TUBD1: variants seen among roughly 807,000 people sequenced by gnomAD.
TUBD1 encodes the protein tubulin delta 1, also known as tubulin delta chain.
In TUBD1, 38 loss-of-function variants were observed where a neutral mutation model predicts 51.2. The observed-to-expected ratio is 0.74, with a 90% confidence interval of 0.57 to 0.97. The LOEUF (loss-of-function observed/expected upper bound fraction) is 0.97. Among genes scored for constraint, TUBD1 ranks in the 50% least tolerant of loss-of-function variants. The pLI is 0.00. For missense variants in TUBD1, 489 were observed against 538.4 expected, an observed-to-expected ratio of 0.91 and a Z score of 0.91; for synonymous variants, 169 against 178.2, an observed-to-expected ratio of 0.95 and a Z score of 0.41.
intron 4 of TUBD1, chr17:59,878,664 G>C: frequency 4.3e-6 from 1 of 230,796 alleles, no homozygotes; most frequent in South Asian, 6.0e-5. Flanking sequence ...GTTTTTAGTA[G>C]AGACAGGGTT....
Position 59,863,752 on chromosome 17 carries a change from TCTC to T in TUBD1, c.1168_1170del (p.Glu390del). 6.2e-7 allele frequency: 1 copy of T among 1,611,094 alleles called. No individual in the cohort carries two copies. Among genetic ancestry groups the T allele is most frequent in the South Asian group, 1.1e-5 (1 of 90,162 alleles). On this transcript the variant is annotated inframe_deletion, in exon 8 of 9. Coordinates refer to ENST00000325752, the MANE Select transcript of TUBD1 (RefSeq NM_016261.4). ...CTGTTGCTGACCAACACTGCAGACT[TCTC>T]ATATTTGCTAAAGGCCCGCTGGGTT...
intron 8 of TUBD1, among the ~76,000 whole-genome samples, chr17:59,863,302 C>T (rs113690121): frequency 9.9e-5 from 15 of 152,128 alleles, no homozygotes; most frequent in Non-Finnish European, 7.4e-5. Flanking sequence ...TTTAACGCTA[C>T]AGTATCTGCT....
intron 6 of TUBD1, among the ~76,000 whole-genome samples, chr17:59,868,182 G>A (rs1351006588): frequency 6.9e-6 from 1 of 144,770 alleles, no homozygotes; most frequent in Admixed American, 7.0e-5. Flanking sequence ...TACTTGGGAA[G>A]CTGAGGCAGG....
intron 6 of TUBD1, among the ~76,000 whole-genome samples, chr17:59,868,532 CAA>C (rs893604770): frequency 2.8e-4 from 42 of 151,134 alleles, no homozygotes; most frequent in Non-Finnish European, 8.8e-5. Flanking sequence ...CCCATCTCTA[CAA>C]AAATAAAAGA....
chr17:59,875,297 G>C (rs533271584), intron 5 of TUBD1, among the ~76,000 whole-genome samples: 6 of 151,142 alleles, frequency 4.0e-5, no homozygotes, highest in African/African-American at 1.2e-4. Context: ...GGATGGTCTC[G>C]ATCCCCTGAT....
At chr17:59,878,009 G>GT (rs2040303591) in intron 5 of TUBD1, 94 bp downstream of exon 5, 1 of 935,496 alleles carries the variant, frequency 1.1e-6, no homozygotes, top group Admixed American at 2.4e-5. Context: ...AGACTTAAGT[G>GT]TATCTTCAGG....
chr17:59,886,444 C>A, intron 2 of TUBD1: 1 of 514,598 alleles, frequency 1.9e-6, no homozygotes, highest in Non-Finnish European at 3.4e-6. Flanking sequence ...GCTAAGCAGG[C>A]TGAATCAGTG....
intron 1 of TUBD1, among the ~76,000 whole-genome samples, chr17:59,892,270 A>C (rs1183930913): frequency 6.6e-6 from 1 of 151,886 alleles, no homozygotes; most frequent in East Asian, 2.0e-4. Context: ...AACCGGGCGC[A>C]ATGGCTCATG....
intron 7 of TUBD1, among the ~76,000 whole-genome samples, chr17:59,864,500 A>AGTTTT (rs779131234): frequency 5.3e-5 from 8 of 151,582 alleles, no homozygotes; most frequent in South Asian, 4.2e-4. Context: ...ATATACTGCC[A>AGTTTT]GTTTTGTTTT....
At chr17:59,891,121 C>T in intron 1 of TUBD1, 80 bp from the exon 2 acceptor site, 6 of 773,718 alleles carry the variant, frequency 7.8e-6, no homozygotes, top group South Asian at 1.9e-5. Context: ...GTTAATTATA[C>T]ATCAATAAAA....
intron 2 of TUBD1, among the ~76,000 whole-genome samples, chr17:59,888,594 T>C (rs2144578883): frequency 6.6e-6 from 1 of 152,232 alleles, no homozygotes; most frequent in East Asian, 1.9e-4. Flanking sequence ...ACAGGTGTAA[T>C]AAATGTAGCA....
At chr17:59,866,110 CAAAAAAAAAAAAAAAAAA>C (rs1191579900) in intron 7 of TUBD1, among the ~76,000 whole-genome samples, 1 of 76,222 alleles carries the variant, frequency 1.3e-5, no homozygotes, top group African/African-American at 3.9e-5. Flanking sequence ...GACCCCGTCT[CAAAAAAAAAAAAAAAAAA>C]AAAAAAGGAA....
chr17:59,889,467 G>C (rs1201536867), intron 2 of TUBD1, among the ~76,000 whole-genome samples: 1 of 150,816 alleles, frequency 6.6e-6, no homozygotes, highest in African/African-American at 2.4e-5. Flanking sequence ...AGGAGTTCGA[G>C]ACCAGCCTGA....
intron 6 of TUBD1, among the ~76,000 whole-genome samples, chr17:59,872,529 G>T (rs2040027262): frequency 6.6e-6 from 1 of 152,084 alleles, no homozygotes; most frequent in Admixed American, 6.6e-5. Context: ...TATAATCTAT[G>T]TACACAAGGC....
chr17:59,880,552 T>C (rs569708897), intron 4 of TUBD1, among the ~76,000 whole-genome samples: 2 of 152,212 alleles, frequency 1.3e-5, no homozygotes, highest in South Asian at 4.1e-4. Context: ...TCTTGCTCTA[T>C]TGCCCAGGCT....
At position 59,878,221 on chromosome 17, in the gene TUBD1, C is replaced by A; in HGVS notation, c.651G>T (p.Met217Ile). Residue 217 changes from methionine to isoleucine, a missense_variant, in exon 5 of 9, where the codon ATG (methionine) becomes ATT (isoleucine). Met to Ile is a conservative substitution (Grantham distance 10). Transcript: ENST00000325752. ...DAIHKICAKL[M>I]NIKQISFSDI... ...CACTAAAGGAGATCTGCTTGATATT[C>A]ATCAGTTTTGCACAGATCTTATGGA... is the stretch of plus-strand genomic sequence containing the variant. 2.5e-6 allele frequency: 4 copies of A among 1,614,048 alleles called. No individual in the cohort carries two copies. Among genetic ancestry groups the A allele is most frequent in the Non-Finnish European group, 1.7e-6 (2 of 1,180,006 alleles).
intron 6 of TUBD1, among the ~76,000 whole-genome samples, chr17:59,870,555 C>T (rs2039937969): frequency 6.6e-6 from 1 of 152,072 alleles, no homozygotes; most frequent in Non-Finnish European, 1.5e-5. Flanking sequence ...AGGCTCTGGC[C>T]TCAGTGACAC....
At chr17:59,871,844 G>A (rs1396551984) in intron 6 of TUBD1, among the ~76,000 whole-genome samples, 1 of 152,066 alleles carries the variant, frequency 6.6e-6, no homozygotes, top group Non-Finnish European at 1.5e-5. Context: ...TGCCCAGGCT[G>A]GAGTGCAGTG....
chr17:59,874,932 G>A (rs1265472585), intron 5 of TUBD1, among the ~76,000 whole-genome samples: 1 of 151,968 alleles, frequency 6.6e-6, no homozygotes, highest in Non-Finnish European at 1.5e-5. Context: ...AATACACTTT[G>A]CCAAAAAGCA....
Sources: gnomAD v4.1 joint callset for allele counts (sites outside exome capture counted in the v4.1 genomes callset) on GRCh38, gnomAD v4.1.1 for gene constraint, MANE v1.5 for transcripts, NCBI Gene and HGNC (gene_info 2026-07-23, HGNC 2026-07-21) for gene names.